Variants in SRSF10 observed in about 807,000 individuals in gnomAD.
SRSF10 encodes serine and arginine rich splicing factor 10.
In SRSF10, 9 loss-of-function variants were observed where a neutral mutation model predicts 32.6. That is an observed-to-expected ratio of 0.28 (90% CI 0.17 to 0.48). SRSF10 has a LOEUF of 0.48. SRSF10 is among the 20% of genes least tolerant of loss of function. The probability of loss-of-function intolerance (pLI) is 0.99; values close to 1 mark genes in which losing one functional copy is unlikely to be tolerated. For missense variants in SRSF10, 201 were observed against 331.8 expected (o/e 0.61, Z 3.06); for synonymous variants, 105 against 112.4 (o/e 0.93, Z 0.42).
At chr1:23,975,150 G>A (rs1642008518) in intron 2 of SRSF10, 73 bp from the exon 3 acceptor site, 6 of 1,165,518 alleles carry the variant, frequency 5.1e-6, no homozygotes, top group Admixed American at 3.4e-5. Context: ...GGTATGTCTG[G>A]AACAATTCAC....
chr1:23,970,602 G>A lies in SRSF10; in HGVS notation c.*540C>T, dbSNP rs1235083461. ...TCTCGAACTCCTGACCTCGTGATCCGCCCGCCTCGGCCTCCCAAAGTGCTG... is the reference window on the plus strand; with the variant it reads ...TCTCGAACTCCTGACCTCGTGATCCACCCGCCTCGGCCTCCCAAAGTGCTG... On this transcript the variant is annotated 3_prime_UTR_variant, in exon 6 of 6. Transcript: ENST00000492112. The A allele has an allele frequency of 3.5e-5, 31 of 882,764 alleles. No individual in the cohort carries two copies. Among genetic ancestry groups the A allele is most frequent in the Middle Eastern group, 5.7e-4 (1 of 1,740 alleles). The allele number at this position is 882,764 out of a possible 1,614,324, so 54.7% of individuals were successfully genotyped here.
intron 4 of SRSF10, 92 bp downstream of exon 4, chr1:23,971,758 A>T: frequency 6.8e-7 from 1 of 1,480,174 alleles, no homozygotes; most frequent in East Asian, 2.3e-5. Flanking sequence ...CATTCAATGT[A>T]TATAATTAAA....
At position 23,964,752 on chromosome 1, in the gene SRSF10, T is replaced by C. The variant is rs1198103631; in HGVS notation, c.*6390A>G. 3 of 151,940 alleles carry C rather than the reference T, an allele frequency of 2.0e-5. No individual in the cohort carries two copies. Among genetic ancestry groups the C allele is most frequent in the African/African-American group, 2.4e-5 (1 of 41,396 alleles). 9.4% of individuals were successfully genotyped at this position (151,940 alleles called of 1,614,324 possible). A position where few individuals can be genotyped will look rare whatever the true frequency, so the allele number is the denominator to read the frequency against. On this transcript the variant is annotated 3_prime_UTR_variant, in exon 6 of 6. Transcript: ENST00000492112. ...ACCTCTTACACAAATTAGGAAAAAG[T>C]TGTACCCAGGTGGTTACAAATCTAA... is the stretch of plus-strand genomic sequence containing the variant.
In SRSF10 at chr1:23,970,227, A is replaced by T. The variant is rs1192504211; in HGVS notation, c.*915T>A. On this transcript the variant is annotated 3_prime_UTR_variant, in exon 6 of 6. Coordinates refer to ENST00000492112, the MANE Select transcript of SRSF10 (RefSeq NM_054016.4). ...TGTTCCAAATCTTCATAGGAACCAG[A>T]AAAAAAGCAGTGAAGGCTCCATGTT... 3 of 984,784 alleles carry T rather than the reference A, an allele frequency of 3.0e-6. No individual in the cohort carries two copies. Among genetic ancestry groups the T allele is most frequent in the Non-Finnish European group, 3.6e-6 (3 of 829,472 alleles). 61.0% of individuals were successfully genotyped at this position (984,784 alleles called of 1,614,324 possible). A position where few individuals can be genotyped will look rare whatever the true frequency, so the allele number is the denominator to read the frequency against.
rs1296886921 is a variant in SRSF10 at position 23,971,316 on chromosome 1, A to G, written c.615T>C (p.Thr205=). 3.7e-6 allele frequency: 6 copies of G among 1,613,220 alleles called. No individual in the cohort carries two copies. Among genetic ancestry groups the G allele is most frequent in the East Asian group, 2.2e-5 (1 of 44,892 alleles). The stretch of plus-strand genomic sequence containing the variant: ...TGGAATCTGTTTTAGAGGTGCCTCT[A>G]GTTTTGGTGTGAGATGCAGACCTAG... ...SRSRSASHTK[T]RGTSKTDSKT... The change falls in exon 6 of 6, where the codon ACT becomes ACC. Residue 205 remains threonine (T), a synonymous_variant. Coordinates refer to ENST00000492112, the MANE Select transcript of SRSF10 (RefSeq NM_054016.4).
intron 1 of SRSF10, among the ~76,000 whole-genome samples, chr1:23,979,713 A>G (rs2148515158): frequency 6.6e-6 from 1 of 152,282 alleles, no homozygotes; most frequent in African/African-American, 2.4e-5. Flanking sequence ...AAAACCCCCA[A>G]ATATTAACAA....
intron 3 of SRSF10, among the ~76,000 whole-genome samples, chr1:23,972,350 T>C (rs945899144): frequency 1.8e-4 from 28 of 151,940 alleles, no homozygotes; most frequent in African/African-American, 5.8e-4. Flanking sequence ...CTGCAGTAAA[T>C]TGTGATCACA....
chr1:23,970,650 C>A lies in SRSF10; in HGVS notation c.*492G>T. The A allele has an allele frequency of 3.0e-6, 3 of 986,004 alleles. No individual in the cohort carries two copies. The highest frequency in any genetic ancestry group is 3.6e-6 in the Non-Finnish European group (3 of 830,400). 61.1% of individuals were successfully genotyped at this position (986,004 alleles called of 1,614,324 possible). Reference sequence around the variant, plus strand: ...CTGGGATTACAGGTGTGAGCCACCACGCCCAGCCGGGCCTAGACATCTTGA... The same window carrying A: ...CTGGGATTACAGGTGTGAGCCACCAAGCCCAGCCGGGCCTAGACATCTTGA... On this transcript the variant is annotated 3_prime_UTR_variant, in exon 6 of 6. Coordinates refer to ENST00000492112, the MANE Select transcript of SRSF10 (RefSeq NM_054016.4).
At position 23,968,109 on chromosome 1, in the gene SRSF10, C is replaced by T. The variant is rs1641546693; in HGVS notation, c.*3033G>A. Among the ~76,000 whole-genome samples the T allele has an allele frequency of 6.6e-6, 1 of 152,116 alleles. No individual in the cohort carries two copies. Among genetic ancestry groups the T allele is most frequent in the African/African-American group, 2.4e-5 (1 of 41,448 alleles). On this transcript the variant is annotated 3_prime_UTR_variant, in exon 6 of 6. Coordinates refer to ENST00000492112, the MANE Select transcript of SRSF10 (RefSeq NM_054016.4). ...ACTCAGTAAGTGGGGGACTCAACTA[C>T]ATCACCCAAAACTAACATAAAACAC...
At chr1:23,977,852 T>C (rs1570791390) in intron 2 of SRSF10, 2 of 966,968 alleles carry the variant, frequency 2.1e-6, no homozygotes, top group Non-Finnish European at 2.4e-6. Context: ...ATTTTGAAAA[T>C]TAACTGCTTA....
intron 2 of SRSF10, chr1:23,975,403 C>A: frequency 1.3e-5 from 3 of 225,836 alleles, no homozygotes; most frequent in South Asian, 1.6e-4. Context: ...GTTTACAAGA[C>A]AAAAAAGAAA....
intron 3 of SRSF10, among the ~76,000 whole-genome samples, chr1:23,973,035 C>T (rs113399547): frequency 0.061 from 9,348 of 152,184 alleles, 421 homozygotes; most frequent in African/African-American, 0.13. Context: ...CTTGAGCCAC[C>T]GTGCCCAGCC....
chr1:23,966,577 AT>A lies in SRSF10; in HGVS notation c.*4564del. 6.6e-6 allele frequency: 1 copy of A among 152,194 alleles called. No individual in the cohort carries two copies. Among genetic ancestry groups the A allele is most frequent in the South Asian group, 2.1e-4 (1 of 4,830 alleles). The allele number at this position is 152,194 out of a possible 1,614,324, so 9.4% of individuals were successfully genotyped here. ...TACAGAACATACTAAATCAGTTAGGATAACAGCTCTCTGTCTGCCTCAAAAT... is the reference window on the plus strand; with the variant it reads ...TACAGAACATACTAAATCAGTTAGGAAACAGCTCTCTGTCTGCCTCAAAAT... On this transcript the variant is annotated 3_prime_UTR_variant, in exon 6 of 6. Coordinates refer to ENST00000492112, the MANE Select transcript of SRSF10 (RefSeq NM_054016.4).
chr1:23,965,918 A>T lies in SRSF10; in HGVS notation c.*5224T>A, dbSNP rs1641427261. ...GTCTATAGCCTCTACATATTCTTTT[A>T]AAAATACATAGAACCTCTGTCCATA... On this transcript the variant is annotated 3_prime_UTR_variant, in exon 6 of 6. Transcript: ENST00000492112. 2 of 152,084 alleles carry T rather than the reference A, an allele frequency of 1.3e-5. No individual in the cohort carries two copies. The highest frequency in any genetic ancestry group is 4.1e-4 in the South Asian group (2 of 4,826). The allele number at this position is 152,084 out of a possible 1,614,324, so 9.4% of individuals were successfully genotyped here.
rs71655401 is a variant in SRSF10 at position 23,979,057 on chromosome 1, G to GTTTTTTTT, written c.66-248_66-241dup. ...CAGCATTAGGTTGTATATAAGCCTT[G>GTTTTTTTT]TTTTTTTTTTTTTTTTTACTTTTAC... On this transcript the variant is annotated intron_variant, in intron 1 of 5. Coordinates refer to ENST00000492112, the MANE Select transcript of SRSF10 (RefSeq NM_054016.4). 1.6e-3 allele frequency: 212 copies of GTTTTTTTT among 134,056 alleles called. 2 individuals carry two copies. Among genetic ancestry groups the GTTTTTTTT allele is most frequent in the East Asian group, 7.0e-3 (30 of 4,308 alleles). The allele number at this position is 134,056 out of a possible 1,614,324, so 8.3% of individuals were successfully genotyped here.
intron 3 of SRSF10, among the ~76,000 whole-genome samples, chr1:23,974,075 T>C (rs1422532501): frequency 1.3e-5 from 2 of 150,954 alleles, no homozygotes; most frequent in Non-Finnish European, 2.9e-5. Context: ...CACTGCAACC[T>C]CTGCCTGCCG....
rs1383282747 is a variant in SRSF10, at chr1:23,967,926, T to A, written c.*3216A>T. 1 of 1,545,982 alleles carries A rather than the reference T, an allele frequency of 6.5e-7. No homozygotes were observed. The highest frequency in any genetic ancestry group is 8.7e-7 in the Non-Finnish European group (1 of 1,146,210). On this transcript the variant is annotated 3_prime_UTR_variant, in exon 6 of 6. Coordinates refer to ENST00000492112, the MANE Select transcript of SRSF10 (RefSeq NM_054016.4). ...GCACCTTTCCTCTCTCACTGAAGCA[T>A]TATCTCTCATTTTTCTTCTTGCTTA...
intron 5 of SRSF10, 45 bp downstream of exon 5, chr1:23,971,526 CTG>C (rs1243956318): frequency 6.0e-5 from 95 of 1,594,554 alleles, no homozygotes; most frequent in Non-Finnish European, 7.7e-5. Flanking sequence ...AAAGTTCACT[CTG>C]AAATTAAAAA....
Position 23,968,228 on chromosome 1 carries a change from T to A in SRSF10, c.*2914A>T, listed in dbSNP as rs1303900601. Among the ~76,000 whole-genome samples the A allele has an allele frequency of 6.6e-6, 1 of 152,152 alleles. No homozygotes were observed. The highest frequency in any genetic ancestry group is 1.5e-5 in the Non-Finnish European group (1 of 68,024). On this transcript the variant is annotated 3_prime_UTR_variant, in exon 6 of 6. Coordinates refer to ENST00000492112, the MANE Select transcript of SRSF10 (RefSeq NM_054016.4). ...TTTGAAGCTGTTAGGTGTGTCGCTT[T>A]AGGAACAACATATAAGATTCTCAAT...
Sources: allele counts gnomAD v4.1 joint callset (sites outside exome capture counted in the v4.1 genomes callset), GRCh38; gene constraint gnomAD v4.1.1; transcripts MANE v1.5; gene names NCBI Gene and HGNC (gene_info 2026-07-23, HGNC 2026-07-21).